Variants in DIAPH3 observed in about 807,000 individuals in gnomAD.
DIAPH3 encodes diaphanous related formin 3, also known as protein diaphanous homolog 3.
A neutral mutation model predicts 144.3 loss-of-function variants in DIAPH3; 117 were observed. The observed-to-expected ratio is 0.81, with a 90% CI of 0.70 to 0.95. DIAPH3 has a LOEUF of 0.95. Ranked by LOEUF, DIAPH3 falls within the 40% of genes least tolerant of loss-of-function variation. DIAPH3 has a pLI of 0.00. For synonymous variants in DIAPH3, 519 were observed against 488.9 expected (o/e 1.06, Z -0.81); for missense variants, 1,421 against 1,412.7 (o/e 1.01, Z -0.09).
chr13:60,142,597 GT>G (rs1467740736), intron 1 of DIAPH3, among the ~76,000 whole-genome samples: 1 of 152,066 alleles, frequency 6.6e-6, no homozygotes, highest in Non-Finnish European at 1.5e-5. Flanking sequence ...TGCTCCACAC[GT>G]GTGCGAGTCC....
chr13:59,811,347 ACAT>A (rs2040460993), intron 24 of DIAPH3, among the ~76,000 whole-genome samples: 1 of 152,218 alleles, frequency 6.6e-6, no homozygotes, highest in African/African-American at 2.4e-5. Flanking sequence ...CAAATTAAAG[ACAT>A]AATAAAAGAA....
intron 4 of DIAPH3, among the ~76,000 whole-genome samples, chr13:60,060,692 T>C (rs953989536): frequency 1.3e-5 from 2 of 152,144 alleles, no homozygotes; most frequent in South Asian, 2.1e-4. Flanking sequence ...GGCACTATTA[T>C]GTTCTAAACA....
intron 22 of DIAPH3, among the ~76,000 whole-genome samples, chr13:59,848,105 C>T (rs1008237172): frequency 6.6e-6 from 1 of 152,132 alleles, no homozygotes; most frequent in Non-Finnish European, 1.5e-5. Flanking sequence ...CTACTCTTCC[C>T]GATCCAAGCC....
intron 22 of DIAPH3, among the ~76,000 whole-genome samples, chr13:59,843,853 G>A (rs892886149): frequency 5.9e-5 from 9 of 152,126 alleles, no homozygotes; most frequent in Non-Finnish European, 1.0e-4. Flanking sequence ...AAACTAAAGA[G>A]CATTTTAAGA....
intron 24 of DIAPH3, among the ~76,000 whole-genome samples, chr13:59,819,902 C>G (rs1431853808): frequency 6.6e-6 from 1 of 151,790 alleles, no homozygotes; most frequent in African/African-American, 2.4e-5. Context: ...CCTCAGTTTC[C>G]TCTACTGTAA....
At chr13:59,757,644 C>T (rs962335040) in intron 27 of DIAPH3, among the ~76,000 whole-genome samples, 2 of 152,030 alleles carry the variant, frequency 1.3e-5, no homozygotes, top group Non-Finnish European at 2.9e-5. Context: ...TCGTGATCCG[C>T]CCACCTCGGC....
intron 4 of DIAPH3, among the ~76,000 whole-genome samples, chr13:60,045,387 A>G (rs941014630): frequency 2.0e-5 from 3 of 152,266 alleles, no homozygotes; most frequent in Non-Finnish European, 4.4e-5. Context: ...AGTCTCAGGT[A>G]CATCTTATTA....
chr13:59,855,460 G>A (rs1028477239), intron 22 of DIAPH3, among the ~76,000 whole-genome samples: 1 of 151,194 alleles, frequency 6.6e-6, no homozygotes, highest in Non-Finnish European at 1.5e-5. Flanking sequence ...ATTATATTTG[G>A]CTTATATTAA....
At chr13:59,675,454 G>A (rs2032597502) in intron 27 of DIAPH3, among the ~76,000 whole-genome samples, 2 of 150,506 alleles carry the variant, frequency 1.3e-5, no homozygotes, top group African/African-American at 4.9e-5. Context: ...GCACGATCTC[G>A]GCTCACTGCA....
At chr13:59,909,480 A>C (rs920297577) in intron 20 of DIAPH3, among the ~76,000 whole-genome samples, 4 of 152,240 alleles carry the variant, frequency 2.6e-5, no homozygotes, top group Admixed American at 2.6e-4. Context: ...AAAAAGGTAA[A>C]ATCTAAGAAC....
intron 27 of DIAPH3, among the ~76,000 whole-genome samples, chr13:59,676,974 T>C (rs954796366): frequency 2.6e-5 from 4 of 152,166 alleles, no homozygotes; most frequent in Non-Finnish European, 5.9e-5. Flanking sequence ...TATCTAAACA[T>C]AGCAATATGT....
chr13:60,091,432 G>A (rs1020887449), intron 4 of DIAPH3, among the ~76,000 whole-genome samples: 1 of 151,994 alleles, frequency 6.6e-6, no homozygotes, highest in South Asian at 2.1e-4. Context: ...TGAGTAGCTG[G>A]GACTACAGGC....
chr13:59,801,964 T>TC (rs2039921510), intron 25 of DIAPH3, among the ~76,000 whole-genome samples: 2 of 152,160 alleles, frequency 1.3e-5, no homozygotes, highest in Non-Finnish European at 1.5e-5. Flanking sequence ...TTGTTTTTTT[T>TC]CCCCCTCTTT....
chr13:59,935,789 A>C (rs1035907206), intron 17 of DIAPH3, among the ~76,000 whole-genome samples: 2 of 152,192 alleles, frequency 1.3e-5, no homozygotes, highest in Non-Finnish European at 2.9e-5. Flanking sequence ...TTCAAATACT[A>C]ATATATGACT....
chr13:60,153,888 CG>C (rs138581633), intron 1 of DIAPH3, among the ~76,000 whole-genome samples: 210 of 152,120 alleles, frequency 1.4e-3, no homozygotes, highest in African/African-American at 4.8e-3. Context: ...TTCCTTTATA[CG>C]TTTTTTTGTA....
At chr13:60,086,295 A>G (rs1300882111) in intron 4 of DIAPH3, among the ~76,000 whole-genome samples, 1 of 152,170 alleles carries the variant, frequency 6.6e-6, no homozygotes, top group African/African-American at 2.4e-5. Flanking sequence ...AGGAATCTGG[A>G]TGAATTTTAG....
chr13:60,007,802 T>C (rs556699625), intron 9 of DIAPH3, among the ~76,000 whole-genome samples: 1 of 152,346 alleles, frequency 6.6e-6, no homozygotes, highest in South Asian at 2.1e-4. Flanking sequence ...TTTTTAGCAG[T>C]ATTTTTGGAA....
At chr13:59,912,030 C>A (rs1283490735) in intron 19 of DIAPH3, among the ~76,000 whole-genome samples, 194 bp from the exon 20 acceptor site, 1 of 152,074 alleles carries the variant, frequency 6.6e-6, no homozygotes, top group Non-Finnish European at 1.5e-5. Flanking sequence ...TTCTCTATCC[C>A]AGAGTTATTA....
At chr13:59,905,701 A>G (rs1353578935) in intron 20 of DIAPH3, among the ~76,000 whole-genome samples, 1 of 152,166 alleles carries the variant, frequency 6.6e-6, no homozygotes, top group Non-Finnish European at 1.5e-5. Flanking sequence ...GGAAGGCCCA[A>G]TATAATCACA....
Sources: gnomAD v4.1 joint callset for allele counts (sites outside exome capture counted in the v4.1 genomes callset) on GRCh38, gnomAD v4.1.1 for gene constraint, MANE v1.5 for transcripts, NCBI Gene and HGNC (gene_info 2026-07-23, HGNC 2026-07-21) for gene names.